SENP5: variants seen among roughly 807,000 people sequenced by gnomAD.
SENP5 encodes sentrin-specific protease 5.
In SENP5, 21 loss-of-function variants were observed where a neutral mutation model predicts 74.2. The ratio of observed to expected loss-of-function variants is 0.28; its 90% CI spans 0.20 to 0.41. The LOEUF is 0.41. SENP5 is among the 10% of genes least tolerant of loss of function. The pLI is 1.00. For missense variants in SENP5, 717 were observed against 889.1 expected (o/e 0.81, Z 2.46); for synonymous variants, 311 against 312.7 (o/e 0.99, Z 0.06).
At chr3:196,910,319 T>G in intron 6 of SENP5, among the ~76,000 whole-genome samples, 1 of 143,368 alleles carries the variant, frequency 7.0e-6, no homozygotes, top group Non-Finnish European at 1.5e-5. Flanking sequence ...AAAATGGCCA[T>G]ACTGCCCAAA....
chr3:196,879,325 A>G (rs943871072), intron 1 of SENP5, among the ~76,000 whole-genome samples: 1 of 152,250 alleles, frequency 6.6e-6, no homozygotes, highest in Non-Finnish European at 1.5e-5. Context: ...ACCAAGGTTT[A>G]CAACCACTGT....
Position 196,931,072 on chromosome 3 carries a change from T to C in SENP5, c.*149T>C, listed in dbSNP as rs1716021279. On this transcript the variant is annotated 3_prime_UTR_variant, in exon 10 of 10. Transcript: ENST00000323460. ...ACCTCAAATTTATTTTTTGCCCTTA[T>C]TCATTTCTCCAGCTACCATGTACTA... The C allele has an allele frequency of 3.3e-6, 2 of 614,822 alleles. No homozygotes were observed. Among genetic ancestry groups the C allele is most frequent in the Non-Finnish European group, 5.9e-6 (2 of 339,610 alleles). The allele number at this position is 614,822 out of a possible 1,614,324, so 38.1% of individuals were successfully genotyped here.
chr3:196,875,588 C>T (rs922553483), intron 1 of SENP5, among the ~76,000 whole-genome samples: 1 of 152,084 alleles, frequency 6.6e-6, no homozygotes, highest in Non-Finnish European at 1.5e-5. Flanking sequence ...CCCTCTCTTT[C>T]CTAGGAACTC....
intron 1 of SENP5, among the ~76,000 whole-genome samples, chr3:196,883,764 C>G (rs1443390935): frequency 1.3e-5 from 2 of 152,100 alleles, no homozygotes; most frequent in African/African-American, 2.4e-5. Flanking sequence ...TCTTGGCTCA[C>G]TGCAACCTCC....
At chr3:196,901,488 T>C (rs1714698959) in intron 5 of SENP5, among the ~76,000 whole-genome samples, 1 of 152,242 alleles carries the variant, frequency 6.6e-6, no homozygotes, top group Non-Finnish European at 1.5e-5. Flanking sequence ...TTAAGAGTTT[T>C]GTTACATATC....
chr3:196,899,344 T>G (rs895968192), intron 2 of SENP5, among the ~76,000 whole-genome samples: 3 of 152,196 alleles, frequency 2.0e-5, no homozygotes, highest in Admixed American at 6.6e-5. Flanking sequence ...AGTCACGCTT[T>G]AAGAGAAGGT....
chr3:196,933,269 G>T lies in SENP5; in HGVS notation c.*2346G>T, dbSNP rs986175542. On this transcript the variant is annotated 3_prime_UTR_variant, in exon 10 of 10. Transcript: ENST00000323460. Reference sequence around the variant, plus strand: ...GACCTCAAGTGATCTGCCCGCCTGGGCCTCCCAAAGTGCTGGGATTACAGG... The same window carrying T: ...GACCTCAAGTGATCTGCCCGCCTGGTCCTCCCAAAGTGCTGGGATTACAGG... 1.3e-5 allele frequency: 2 copies of T among 152,114 alleles called. No individual in the cohort carries two copies. Among genetic ancestry groups the T allele is most frequent in the African/African-American group, 4.8e-5 (2 of 41,424 alleles). The allele number at this position is 152,114 out of a possible 1,614,324, so 9.4% of individuals were successfully genotyped here.
intron 2 of SENP5, among the ~76,000 whole-genome samples, chr3:196,890,460 G>A (rs1353706417): frequency 6.6e-6 from 1 of 152,122 alleles, no homozygotes; most frequent in Non-Finnish European, 1.5e-5. Context: ...ATTTTATTCA[G>A]TATTACATAA....
chr3:196,886,279 G>T lies in SENP5; in HGVS notation c.1098G>T (p.Trp366Cys). 2 of 1,614,074 alleles carry T rather than the reference G, an allele frequency of 1.2e-6. No homozygotes were observed. Among genetic ancestry groups the T allele is most frequent in the African/African-American group, 2.7e-5 (2 of 75,032 alleles). ...AGTCATCCTGTTCTTCTCCTAAGTGGGAGTGTACAGAGCTGATTCATGACA... is the reference window on the plus strand; with the variant it reads ...AGTCATCCTGTTCTTCTCCTAAGTGTGAGTGTACAGAGCTGATTCATGACA... ...WDQSSCSSPK[W>C]ECTELIHDIP... The change falls in exon 2 of 10, where the codon TGG becomes TGT. Residue 366 changes from tryptophan to cysteine, a missense_variant. Trp to Cys is a radical substitution (Grantham distance 215, BLOSUM62 -2). Around this residue, in one of 4 missense-constraint regions of SENP5, gnomAD observed 567 missense variants for 577.4 expected, o/e 0.98. Coordinates refer to ENST00000323460, the MANE Select transcript of SENP5 (RefSeq NM_152699.5).
intron 2 of SENP5, among the ~76,000 whole-genome samples, chr3:196,896,485 C>A (rs147380193): frequency 7.2e-5 from 11 of 152,116 alleles, no homozygotes; most frequent in Non-Finnish European, 1.5e-4. Flanking sequence ...GATGAGGTCT[C>A]GCTCTGTTGC....
intron 6 of SENP5, among the ~76,000 whole-genome samples, chr3:196,915,069 C>G (rs1003870234): frequency 1.3e-5 from 2 of 152,224 alleles, no homozygotes; most frequent in Non-Finnish European, 2.9e-5. Context: ...GAGAATCTTC[C>G]GCCCCAGCGG....
intron 6 of SENP5, among the ~76,000 whole-genome samples, chr3:196,915,869 G>A (rs746577694): frequency 2.0e-5 from 3 of 152,180 alleles, no homozygotes; most frequent in Non-Finnish European, 4.4e-5. Context: ...GTGCAGATAC[G>A]GCTGCAGTGA....
chr3:196,913,858 A>G (rs1715242721), intron 6 of SENP5: 1 of 151,978 alleles, frequency 6.6e-6, no homozygotes, highest in Admixed American at 6.6e-5. Flanking sequence ...CACATTGGCT[A>G]GGCTGGTCTC....
Position 196,931,094 on chromosome 3 carries a change from A to T in SENP5, c.*171A>T, listed in dbSNP as rs745750812. 1.7e-6 allele frequency: 1 copy of T among 587,926 alleles called. No individual in the cohort carries two copies. Among genetic ancestry groups the T allele is most frequent in the Non-Finnish European group, 3.1e-6 (1 of 327,580 alleles). The allele number at this position is 587,926 out of a possible 1,614,324, so 36.4% of individuals were successfully genotyped here. A position where few individuals can be genotyped will look rare whatever the true frequency, so the allele number is the denominator to read the frequency against. ...TTATTCATTTCTCCAGCTACCATGT[A>T]CTATTGTTTAATGTTCAGTTTGGTT... is the stretch of plus-strand genomic sequence containing the variant. On this transcript the variant is annotated 3_prime_UTR_variant, in exon 10 of 10. Coordinates refer to ENST00000323460, the MANE Select transcript of SENP5 (RefSeq NM_152699.5).
chr3:196,921,147 A>T (rs1715605463), intron 6 of SENP5, among the ~76,000 whole-genome samples: 1 of 152,190 alleles, frequency 6.6e-6, no homozygotes, highest in Admixed American at 6.5e-5. Flanking sequence ...ATATAATGAG[A>T]TATTTTGGGG....
intron 1 of SENP5, among the ~76,000 whole-genome samples, chr3:196,879,351 C>T (rs1713622492): frequency 6.6e-6 from 1 of 152,180 alleles, no homozygotes; most frequent in Admixed American, 6.5e-5. Flanking sequence ...CTTTCTTGTA[C>T]ATTTTTCTGT....
intron 6 of SENP5, among the ~76,000 whole-genome samples, chr3:196,910,070 A>AT (rs568092162): frequency 4.6e-4 from 70 of 152,256 alleles, no homozygotes; most frequent in African/African-American, 1.7e-3. Flanking sequence ...TACAAAATCA[A>AT]TGTGCAGAAA....
intron 2 of SENP5, among the ~76,000 whole-genome samples, chr3:196,888,887 C>T (rs1192626337): frequency 1.3e-5 from 2 of 151,820 alleles, no homozygotes; most frequent in East Asian, 1.9e-4. Flanking sequence ...GAGGCCGAGG[C>T]GGGCGGATCA....
At chr3:196,899,559 A>G in intron 2 of SENP5, 107 bp from the exon 3 acceptor site, 1 of 659,534 alleles carries the variant, frequency 1.5e-6, no homozygotes, top group Non-Finnish European at 2.7e-6. Flanking sequence ...ATATAGGTTA[A>G]CCACTGTATG....
Sources: gnomAD v4.1 joint callset for allele counts (sites outside exome capture counted in the v4.1 genomes callset) on GRCh38, gnomAD v4.1.1 for gene constraint, gnomAD v4.1.1 regional missense constraint, MANE v1.5 for transcripts, NCBI Gene and HGNC (gene_info 2026-07-23, HGNC 2026-07-21) for gene names.